SYN2: variants seen among roughly 807,000 people sequenced by gnomAD.
SYN2 encodes synapsin-2.
Under a neutral mutation model 50.9 loss-of-function variants are expected in SYN2, and 19 were observed. That is an observed-to-expected ratio of 0.37 (90% confidence interval 0.26 to 0.55). The LOEUF is 0.55. Ranked by LOEUF, SYN2 falls within the 20% of genes least tolerant of loss-of-function variation. The probability of loss-of-function intolerance (pLI) is 0.81; values close to 1 mark genes in which losing one functional copy is unlikely to be tolerated. For missense variants in SYN2, 587 were observed against 576.4 expected (o/e 1.02, Z -0.19); for synonymous variants, 255 against 224.9 (o/e 1.13, Z -1.20).
chr3:12,151,894 G>A (rs1274028327), intron 5 of SYN2, among the ~76,000 whole-genome samples: 1 of 152,172 alleles, frequency 6.6e-6, no homozygotes, highest in African/African-American at 2.4e-5. Flanking sequence ...CTTCTCTGAG[G>A]CCATCCTAGT....
chr3:12,161,919 T>C, intron 6 of SYN2, 93 bp from the exon 7 acceptor site: 2 of 1,529,532 alleles, frequency 1.3e-6, no homozygotes, highest in Non-Finnish European at 1.8e-6. Flanking sequence ...CGGATACATA[T>C]TGGTGGGTTT....
At chr3:12,181,745 A>G (rs1157149432) in intron 10 of SYN2, among the ~76,000 whole-genome samples, 1 of 152,254 alleles carries the variant, frequency 6.6e-6, no homozygotes, top group Admixed American at 6.5e-5. Context: ...TTAGGAGACT[A>G]TTCTAGCAAG....
At chr3:12,187,700 A>T in intron 12 of SYN2, 88 bp downstream of exon 12, 1 of 1,441,330 alleles carries the variant, frequency 6.9e-7, no homozygotes. Context: ...ATCACCTTCA[A>T]TCAGGTCTCC....
At chr3:12,139,207 G>A (rs565734581) in intron 1 of SYN2, among the ~76,000 whole-genome samples, 1 of 152,184 alleles carries the variant, frequency 6.6e-6, no homozygotes, top group Non-Finnish European at 1.5e-5. Flanking sequence ...AGAACGGGGT[G>A]TTCCAGAACC....
At chr3:12,143,269 C>G (rs1489825583) in intron 3 of SYN2, among the ~76,000 whole-genome samples, 1 of 152,148 alleles carries the variant, frequency 6.6e-6, no homozygotes, top group Non-Finnish European at 1.5e-5. Flanking sequence ...GCAGCTCTAA[C>G]AGATGCCATA....
At chr3:12,060,969 A>G (rs574596961) in intron 1 of SYN2, among the ~76,000 whole-genome samples, 64 of 152,314 alleles carry the variant, frequency 4.2e-4, no homozygotes, top group African/African-American at 1.4e-3. Flanking sequence ...TACGATTAAT[A>G]TGGTAAACGC....
intron 11 of SYN2, 150 bp from the exon 12 acceptor site, chr3:12,187,219 C>T: frequency 8.9e-7 from 1 of 1,129,928 alleles, no homozygotes; most frequent in Non-Finnish European, 1.2e-6. Flanking sequence ...TAACCAAGGA[C>T]CCCCTTTAGG....
intron 1 of SYN2, among the ~76,000 whole-genome samples, chr3:12,023,699 G>A (rs1318524380): frequency 1.3e-5 from 2 of 152,118 alleles, no homozygotes; most frequent in Non-Finnish European, 2.9e-5. Context: ...TTTGATCAGG[G>A]GAGTGAGTTG....
At chr3:12,096,276 A>G (rs958493917) in intron 1 of SYN2, among the ~76,000 whole-genome samples, 7 of 152,182 alleles carry the variant, frequency 4.6e-5, no homozygotes, top group South Asian at 2.1e-4. Context: ...GATCTCCTAA[A>G]AATGTAAACT....
chr3:12,140,271 A>T (rs936940688), intron 1 of SYN2, among the ~76,000 whole-genome samples: 1 of 152,234 alleles, frequency 6.6e-6, no homozygotes, highest in African/African-American at 2.4e-5. Flanking sequence ...TACCAAATAG[A>T]AAACCATAGT....
intron 1 of SYN2, among the ~76,000 whole-genome samples, chr3:12,016,573 T>G (rs1694033393): frequency 6.6e-6 from 1 of 152,186 alleles, no homozygotes; most frequent in African/African-American, 2.4e-5. Context: ...ATTAGGGATG[T>G]AGGCCAGGCG....
At chr3:12,067,003 A>G (rs1310954384) in intron 1 of SYN2, among the ~76,000 whole-genome samples, 3 of 152,296 alleles carry the variant, frequency 2.0e-5, no homozygotes. Flanking sequence ...AAAGCCCCTT[A>G]TATAAACTAT....
rs968972554 is a variant in SYN2, at chr3:12,184,384, G to C, written c.1369+1012G>C. 3.0e-6 allele frequency: 3 copies of C among 985,786 alleles called. No homozygotes were observed. The African/African-American group carries it at 5.2e-5, about 17-fold the overall frequency. The allele number at this position is 985,786 out of a possible 1,614,324, so 61.1% of individuals were successfully genotyped here. ...TCCCAAAGCTTGACCTGTGTACAGAGATAATTCCTTGGCAATGTTGGACAT... is the reference window on the plus strand; with the variant it reads ...TCCCAAAGCTTGACCTGTGTACAGACATAATTCCTTGGCAATGTTGGACAT... On this transcript the variant is annotated intron_variant, in intron 11 of 12. Coordinates refer to ENST00000621198, the MANE Select transcript of SYN2 (RefSeq NM_133625.6).
intron 1 of SYN2, among the ~76,000 whole-genome samples, chr3:12,014,093 A>G (rs1363100446): frequency 6.6e-6 from 1 of 152,166 alleles, no homozygotes; most frequent in African/African-American, 2.4e-5. Context: ...CAATACTGCA[A>G]GTATCTTTAT....
At chr3:12,058,395 G>T (rs369904959) in intron 1 of SYN2, among the ~76,000 whole-genome samples, 4 of 152,112 alleles carry the variant, frequency 2.6e-5, no homozygotes, top group African/African-American at 9.7e-5. Flanking sequence ...ATTTTTTTTA[G>T]AATGAGTTAT....
intron 10 of SYN2, among the ~76,000 whole-genome samples, chr3:12,176,480 C>T (rs1452620054): frequency 2.0e-5 from 3 of 152,160 alleles, no homozygotes; most frequent in Non-Finnish European, 2.9e-5. Flanking sequence ...GCTGGCTTCC[C>T]GTTTGGCTGG....
intron 9 of SYN2, 72 bp from the exon 10 acceptor site, chr3:12,169,685 A>T: frequency 6.4e-7 from 1 of 1,561,624 alleles, no homozygotes; most frequent in South Asian, 1.2e-5. Flanking sequence ...ATTCCTACCC[A>T]TTCTGAAAGA....
intron 11 of SYN2, chr3:12,184,408 A>G (rs1300462869): frequency 4.1e-6 from 4 of 985,810 alleles, no homozygotes; most frequent in Admixed American, 6.1e-5. Flanking sequence ...AATGTTGGAC[A>G]TAGAATGCAG....
rs1416030381 is a variant in SYN2 at position 12,004,609 on chromosome 3, A to G, written c.58A>G (p.Asn20Asp). 6 of 654,048 alleles carry G rather than the reference A, an allele frequency of 9.2e-6. No homozygotes were observed. The highest frequency in any genetic ancestry group is 1.7e-5 in the Non-Finnish European group (6 of 351,242). 40.5% of individuals were successfully genotyped at this position (654,048 alleles called of 1,614,324 possible). A position where few individuals can be genotyped will look rare whatever the true frequency, so the allele number is the denominator to read the frequency against. The stretch of plus-strand genomic sequence containing the variant: ...CAGCAGCTTCATCGCCAACCTGCCC[A>G]ACGGCTACATGACCGACCTGCAGCG... Reference protein sequence around the residue: ...SDSSFIANLPNGYMTDLQRPE... With the variant: ...SDSSFIANLPDGYMTDLQRPE... The change falls in exon 1 of 13, where the codon AAC (asparagine) becomes GAC (aspartate). Residue 20 changes from asparagine (N) to aspartate (D), a missense_variant. Transcript: ENST00000621198.
Sources: gnomAD v4.1 joint callset for allele counts (sites outside exome capture counted in the v4.1 genomes callset) on GRCh38, gnomAD v4.1.1 for gene constraint, MANE v1.5 for transcripts, NCBI Gene and HGNC (gene_info 2026-07-23, HGNC 2026-07-21) for gene names.